Variants in PTPRM observed in about 807,000 individuals in gnomAD.
PTPRM encodes the protein protein tyrosine phosphatase receptor type M.
Under a neutral mutation model 186.7 loss-of-function variants are expected in PTPRM, and 47 were observed. That is an observed-to-expected ratio of 0.25 (90% CI 0.20 to 0.32). The LOEUF (loss-of-function observed/expected upper bound fraction) is 0.32, where lower values mean the gene tolerates loss of function less well. Among genes scored for constraint, PTPRM ranks in the 10% least tolerant of loss-of-function variants. The pLI is 1.00. For missense variants in PTPRM, 1,494 were observed against 1,865.0 expected, an observed-to-expected ratio of 0.80 and a Z score of 3.66; for synonymous variants, 668 against 674.9, an observed-to-expected ratio of 0.99 and a Z score of 0.16.
chr18:8,117,809 A>G (rs1425994347), intron 13 of PTPRM, among the ~76,000 whole-genome samples: 3 of 152,190 alleles, frequency 2.0e-5, no homozygotes, highest in Non-Finnish European at 4.4e-5. Flanking sequence ...TACCTGCCCA[A>G]TTCAAGGGAT....
chr18:8,005,037 A>G (rs2084096480), intron 7 of PTPRM, among the ~76,000 whole-genome samples: 1 of 152,222 alleles, frequency 6.6e-6, no homozygotes, highest in African/African-American at 2.4e-5. Context: ...CATACACTAT[A>G]TTGTATTTTC....
chr18:8,263,471 G>A (rs367825546), intron 19 of PTPRM, among the ~76,000 whole-genome samples: 29 of 152,280 alleles, frequency 1.9e-4, no homozygotes, highest in African/African-American at 6.5e-4. Context: ...TGGCAGGAAT[G>A]AAATATATTT....
intron 5 of PTPRM, among the ~76,000 whole-genome samples, chr18:7,930,939 A>G (rs529152675): frequency 6.6e-6 from 1 of 152,172 alleles, no homozygotes; most frequent in South Asian, 2.1e-4. Flanking sequence ...CACACAGGTT[A>G]TGTTGCCAAG....
chr18:8,344,448 G>GTGTATATATATATATA (rs1360655194), intron 23 of PTPRM, among the ~76,000 whole-genome samples: 91 of 33,400 alleles, frequency 2.7e-3, no homozygotes, highest in African/African-American at 5.7e-3. Context: ...GTGTGTGTGT[G>GTGTATATATATATATA]TATATATATA....
At chr18:8,253,807 C>G (rs1200961762) in intron 19 of PTPRM, among the ~76,000 whole-genome samples, 1 of 152,208 alleles carries the variant, frequency 6.6e-6, no homozygotes, top group East Asian at 1.9e-4. Context: ...CCAAGAAGTT[C>G]ACATGCGTTA....
rs908572585 is a variant in PTPRM at position 7,567,580 on chromosome 18, C to A, written c.-239C>A. On this transcript the variant is annotated 5_prime_UTR_variant, in exon 1 of 33. Coordinates refer to ENST00000580170, the MANE Select transcript of PTPRM (RefSeq NM_001105244.2). The surrounding 1 kb of genome is among the most constrained non-coding windows in gnomAD (Gnocchi z 4.3). ...GCTCGCCCTCCGCTCCCTCTGCCAG[C>A]GGCGCCAGACGCCGAGTGGGGCCAG... 16 of 391,206 alleles carry A rather than the reference C, an allele frequency of 4.1e-5. No individual in the cohort carries two copies. The highest frequency in any genetic ancestry group is 1.3e-5 in the Non-Finnish European group (3 of 222,552). 24.2% of individuals were successfully genotyped at this position (391,206 alleles called of 1,614,324 possible).
chr18:7,997,662 G>A (rs1052119037), intron 7 of PTPRM, among the ~76,000 whole-genome samples: 1 of 151,960 alleles, frequency 6.6e-6, no homozygotes, highest in African/African-American at 2.4e-5. Flanking sequence ...GAATATATGA[G>A]GAACTCAAAC....
chr18:7,906,531 A>T lies in PTPRM; in HGVS notation c.495A>T (p.Gly165=), dbSNP rs1376323608. Residue 165 remains glycine (G), a synonymous_variant, in exon 4 of 33, where the codon GGA becomes GGT. Coordinates refer to ENST00000580170, the MANE Select transcript of PTPRM (RefSeq NM_001105244.2). The part of the protein sequence containing the change: ...YQVIFEVITS[G]HQGYLAIDEV... ...TGATTTTTGAAGTGATAACTTCTGG[A>T]CATCAAGGCTATCTCGCTATCGATG... The T allele has an allele frequency of 6.2e-7, 1 of 1,613,376 alleles. No homozygotes were observed. The highest frequency in any genetic ancestry group is 8.5e-7 in the Non-Finnish European group (1 of 1,179,282).
At chr18:7,638,637 C>T (rs2038373952) in intron 1 of PTPRM, among the ~76,000 whole-genome samples, 2 of 152,312 alleles carry the variant, frequency 1.3e-5, no homozygotes, top group East Asian at 1.9e-4. Flanking sequence ...TACTACATCA[C>T]AATATTAAGT....
intron 17 of PTPRM, among the ~76,000 whole-genome samples, chr18:8,249,647 G>T (rs72911289): frequency 1.3e-5 from 2 of 152,150 alleles, no homozygotes; most frequent in African/African-American, 4.8e-5. Context: ...GGGCTAAAAC[G>T]TGCCTTGTCA....
chr18:8,036,892 G>A (rs564737917), intron 7 of PTPRM, among the ~76,000 whole-genome samples: 94 of 152,290 alleles, frequency 6.2e-4, no homozygotes, highest in African/African-American at 2.2e-3. Context: ...TTTTTCTCAT[G>A]TCCACAGTGG....
intron 1 of PTPRM, among the ~76,000 whole-genome samples, chr18:7,607,408 TCTC>T (rs150020171): frequency 0.97 from 148,098 of 152,132 alleles, 72,105 homozygotes; most frequent in East Asian, 1. Flanking sequence ...TCTGCACATC[TCTC>T]CTCTCCTACT....
chr18:8,359,927 C>T (rs2095586686), intron 23 of PTPRM, among the ~76,000 whole-genome samples: 1 of 152,208 alleles, frequency 6.6e-6, no homozygotes, highest in Non-Finnish European at 1.5e-5. Context: ...TAAATGAGGT[C>T]CTTTCTTGAA....
At chr18:8,111,351 G>A (rs545822616) in intron 11 of PTPRM, among the ~76,000 whole-genome samples, 29 of 152,306 alleles carry the variant, frequency 1.9e-4, no homozygotes, top group African/African-American at 6.3e-4. Flanking sequence ...AGTGGCTCAT[G>A]CCTGTAATCC....
At chr18:7,930,639 C>T (rs2051431597) in intron 5 of PTPRM, among the ~76,000 whole-genome samples, 1 of 152,158 alleles carries the variant, frequency 6.6e-6, no homozygotes, top group South Asian at 2.1e-4. Flanking sequence ...GCATTATGCA[C>T]TTACGCTTTG....
chr18:7,579,109 A>G (rs1189539551), intron 1 of PTPRM, among the ~76,000 whole-genome samples: 2 of 152,204 alleles, frequency 1.3e-5, no homozygotes, highest in African/African-American at 4.8e-5. Context: ...AAACAGGGCC[A>G]ACATTATGTT....
intron 1 of PTPRM, among the ~76,000 whole-genome samples, chr18:7,737,687 C>T (rs1241403647): frequency 7.2e-5 from 11 of 152,186 alleles, no homozygotes; most frequent in Admixed American, 7.2e-4. Flanking sequence ...CCCCTGGTCT[C>T]CTGGCCTGTC....
chr18:7,957,653 A>C (rs1016638658), intron 7 of PTPRM, among the ~76,000 whole-genome samples: 2 of 152,152 alleles, frequency 1.3e-5, no homozygotes, highest in East Asian at 3.9e-4. Context: ...AGGAAAGTGA[A>C]AGGTGAGGAA....
intron 14 of PTPRM, among the ~76,000 whole-genome samples, chr18:8,219,986 T>C (rs1261277612): frequency 1.3e-5 from 2 of 152,152 alleles, no homozygotes; most frequent in Non-Finnish European, 2.9e-5. Flanking sequence ...GGGGGCGCTA[T>C]AACGAGGTGT....
Sources: gnomAD v4.1 joint callset for allele counts (sites outside exome capture counted in the v4.1 genomes callset) on GRCh38, gnomAD v4.1.1 for gene constraint, Gnocchi (gnomAD v3.1) non-coding constraint, MANE v1.5 for transcripts, NCBI Gene and HGNC (gene_info 2026-07-23, HGNC 2026-07-21) for gene names.